BOP1: variants seen among roughly 807,000 people sequenced by gnomAD.
The protein encoded by BOP1 is BOP1 ribosomal biogenesis factor, also known as ribosome biogenesis protein BOP1.
A neutral mutation model predicts 82.9 loss-of-function variants in BOP1; 54 were observed. The observed-to-expected ratio is 0.65, with a 90% confidence interval of 0.52 to 0.82. BOP1 has a LOEUF of 0.82. BOP1 is among the 40% of genes least tolerant of loss of function. BOP1 has a pLI of 0.00. For synonymous variants in BOP1, 566 were observed against 451.1 expected (o/e 1.25, Z -3.23); for missense variants, 1,170 against 1,072.0 (o/e 1.09, Z -1.28).
intron 3 of BOP1, 153 bp from the exon 4 acceptor site, chr8:144,265,224 C>CA: frequency 1.1e-6 from 1 of 883,820 alleles, no homozygotes; most frequent in South Asian, 1.7e-5. Context: ...GCCTGTTCCC[C>CA]AGCCCTGGGG....
In BOP1 at chr8:144,264,696, C is replaced by T. The variant is rs1845316285; in HGVS notation, c.663+18G>A. The T allele has an allele frequency of 6.4e-6, 10 of 1,565,594 alleles. No individual in the cohort carries two copies. Among genetic ancestry groups the T allele is most frequent in the Admixed American group, 5.7e-5 (3 of 52,636 alleles). Reference sequence around the variant, plus strand: ...CTCCAGGACCCCCGCCGCCCAGGGGCCAGCCCCTGCCACCTACCTCATAGG... The same window carrying T: ...CTCCAGGACCCCCGCCGCCCAGGGGTCAGCCCCTGCCACCTACCTCATAGG... On this transcript the variant is annotated intron_variant, in intron 5 of 15. Transcript: ENST00000569669.
Position 144,262,966 on chromosome 8 carries a change from A to G in BOP1, c.1781T>C (p.Leu594Pro). The G allele has an allele frequency of 6.5e-7, 1 of 1,549,842 alleles. No individual in the cohort carries two copies. Among genetic ancestry groups the G allele is most frequent in the Non-Finnish European group, 8.7e-7 (1 of 1,154,530 alleles). Reference protein sequence around the residue: ...RVAFHPARPFLLVASQRSVRL... With the variant: ...RVAFHPARPFPLVASQRSVRL... The stretch of plus-strand genomic sequence containing the variant: ...GACGCTGCGCTGGGACGCCACCAAC[A>G]GGAAGGGCCGGGCAGGGTGGAAGGC... Residue 594 changes from leucine to proline, a missense_variant, in exon 13 of 16, where the codon CTG (leucine) becomes CCG (proline). Coordinates refer to ENST00000569669, the MANE Select transcript of BOP1 (RefSeq NM_015201.5).
chr8:144,267,171 G>A lies in BOP1; in HGVS notation c.391-2100C>T. ...TCTGCACCTTCTGCCTCAGCAACCA[G>A]AGAAAGTTGGTGAGCACGGGCCGTG... On this transcript the variant is annotated intron_variant, in intron 3 of 15. Transcript: ENST00000569669. 9.8e-6 allele frequency: 15 copies of A among 1,528,996 alleles called. No homozygotes were observed. In the South Asian group the frequency reaches 1.4e-4, roughly 15 times the overall value. The allele number at this position is 1,528,996 out of a possible 1,614,324, so 94.7% of individuals were successfully genotyped here. A position where few individuals can be genotyped will look rare whatever the true frequency, so the allele number is the denominator to read the frequency against.
At chr8:144,266,451 C>A in intron 3 of BOP1, 2 of 962,928 alleles carry the variant, frequency 2.1e-6, no homozygotes, top group Non-Finnish European at 2.5e-6. Flanking sequence ...GGGCCCCGCT[C>A]CGGCCCGGGA....
In BOP1 at chr8:144,289,121, TA is replaced by T. The variant is rs1554839797; in HGVS notation, c.282del (p.Lys96ArgfsTer94). On this transcript the variant is annotated frameshift_variant, in exon 2 of 16. Transcript: ENST00000569669. LOFTEE classifies it high-confidence loss of function. ...TGCACCTGCTCCTCAGTGGTCTTTT[TA>T]ATCCCACTGTGGCCCTCGTCATCAA... ...GALDDEGHSG[I>X]KKTTEEQVQA... is the part of the protein sequence containing the mutation. 1.2e-6 allele frequency: 2 copies of T among 1,614,190 alleles called. No individual in the cohort carries two copies. Among genetic ancestry groups the T allele is most frequent in the Admixed American group, 1.7e-5 (1 of 60,036 alleles).
chr8:144,276,134 C>G, intron 3 of BOP1, 90 bp downstream of exon 3: 1 of 1,502,360 alleles, frequency 6.7e-7, no homozygotes, highest in Non-Finnish European at 9.2e-7. Flanking sequence ...CCAGCACCCC[C>G]AGGGCAACCC....
At chr8:144,263,658 C>T in intron 10 of BOP1, 34 bp downstream of exon 10, 1 of 1,600,224 alleles carries the variant, frequency 6.2e-7, no homozygotes. Flanking sequence ...CCCACCTGCC[C>T]CCCAGCTCAA....
chr8:144,291,217 G>T lies in BOP1; in HGVS notation c.99+55C>A, dbSNP rs922874098. The T allele has an allele frequency of 8.2e-6, 11 of 1,349,396 alleles. No homozygotes were observed. Among genetic ancestry groups the T allele is most frequent in the Non-Finnish European group, 8.6e-6 (9 of 1,052,514 alleles). 83.6% of individuals were successfully genotyped at this position (1,349,396 alleles called of 1,614,324 possible). Reference sequence around the variant, plus strand: ...GGCCCACCCGCCCCAGCGCGGCCACGTGCCCGCCGGGCCCTCTAGGGACGC... The same window carrying T: ...GGCCCACCCGCCCCAGCGCGGCCACTTGCCCGCCGGGCCCTCTAGGGACGC... On this transcript the variant is annotated intron_variant, in intron 1 of 15. Coordinates refer to ENST00000569669, the MANE Select transcript of BOP1 (RefSeq NM_015201.5). The surrounding 1 kb of genome is among the most constrained non-coding windows in gnomAD (Gnocchi z 4.1).
rs951083190 is a variant in BOP1, at chr8:144,268,015, C to A, written c.391-2944G>T. The A allele has an allele frequency of 1.9e-3, 2,858 of 1,544,038 alleles. 4 individuals are homozygous for A. Among genetic ancestry groups the A allele is most frequent in the Non-Finnish European group, 2.3e-3 (2,599 of 1,142,818 alleles). On this transcript the variant is annotated intron_variant, in intron 3 of 15. Coordinates refer to ENST00000569669, the MANE Select transcript of BOP1 (RefSeq NM_015201.5). Reference sequence around the variant, plus strand: ...GAAGGAGGTGCCTTGGCGCTGGCCACCTGAGATGGCACCCAGCAGGGAGGC... The same window carrying A: ...GAAGGAGGTGCCTTGGCGCTGGCCAACTGAGATGGCACCCAGCAGGGAGGC...
In BOP1 at chr8:144,262,594, A is replaced by G. The variant is rs1024123821; in HGVS notation, c.1973T>C (p.Met658Thr). 7.8e-5 allele frequency: 126 copies of G among 1,613,294 alleles called. No homozygotes were observed. The highest frequency in any genetic ancestry group is 1.0e-4 in the Non-Finnish European group (119 of 1,179,780). ...CACCCCCAGCTTTCCTCACCTCAGC[A>G]TCCTGTATGGCTTGGTGGAAAGATC... ...DLDLSTKPYR[M>T]LRHHKKALRA... is the part of the protein sequence containing the mutation. The change falls in exon 14 of 16, where the codon ATG (methionine) becomes ACG (threonine). Residue 658 changes from methionine to threonine, a missense_variant. Coordinates refer to ENST00000569669, the MANE Select transcript of BOP1 (RefSeq NM_015201.5).
chr8:144,269,992 C>T (rs1250000399), intron 3 of BOP1, among the ~76,000 whole-genome samples: 7 of 152,186 alleles, frequency 4.6e-5, no homozygotes, highest in Admixed American at 3.9e-4. Flanking sequence ...CCATAGCCCA[C>T]CTACCCCTCA....
In BOP1 at chr8:144,263,766, G is replaced by A. The variant is rs2130196827; in HGVS notation, c.1222-5C>T. On this transcript the variant is annotated splice_polypyrimidine_tract_variant and splice_region_variant and intron_variant, in intron 9 of 15. Transcript: ENST00000569669. Reference sequence around the variant, plus strand: ...GTCACTGTGGCCCCTGTAGACCTGAGGAGGCGGCGGCAGTGAGGAGTCAGA... The same window carrying A: ...GTCACTGTGGCCCCTGTAGACCTGAAGAGGCGGCGGCAGTGAGGAGTCAGA... The A allele has an allele frequency of 1.3e-6, 2 of 1,586,826 alleles. No homozygotes were observed. The highest frequency in any genetic ancestry group is 4.5e-5 in the East Asian group (2 of 43,980).
rs2130248278 is a variant in BOP1 at position 144,279,726 on chromosome 8, G to C, written c.310-3422C>G. On this transcript the variant is annotated intron_variant, in intron 2 of 15. Coordinates refer to ENST00000569669, the MANE Select transcript of BOP1 (RefSeq NM_015201.5). ...GCTTGTGGCTGCTTTACCCACCCAA[G>C]GGAGGCAGCCCACACTGACACCACA... Among the ~76,000 whole-genome samples, 3 of 152,308 alleles carry C rather than the reference G, an allele frequency of 2.0e-5. No homozygotes were observed. The Middle Eastern group carries it at 0.01, about 518-fold the overall frequency.
chr8:144,273,178 C>G (rs887728422), intron 3 of BOP1, among the ~76,000 whole-genome samples: 5 of 152,186 alleles, frequency 3.3e-5, no homozygotes, highest in African/African-American at 1.2e-4. Flanking sequence ...GCGGGGGCGG[C>G]CCGGAGGAGC....
chr8:144,273,083 G>GGCCGTTCGCTCGCCGGGAAACCTGA (rs1845516959), intron 3 of BOP1, among the ~76,000 whole-genome samples: 1 of 152,094 alleles, frequency 6.6e-6, no homozygotes, highest in Admixed American at 6.5e-5. Flanking sequence ...GCGTGGGGAG[G>GGCCGTTCGCTCGCCGGGAAACCTGA]GCCGTTCGCT....
At position 144,263,498 on chromosome 8, in the gene BOP1, G is replaced by A; in HGVS notation, c.1404C>T (p.Val468=). The change falls in exon 11 of 16, where the codon GTC becomes GTT. Residue 468 remains valine (V), a synonymous_variant. Coordinates refer to ENST00000569669, the MANE Select transcript of BOP1 (RefSeq NM_015201.5). ...CTTACACGGCTGCAGCCACCAGGCA[G>A]ACAGCGGGGCTGGGGTTCCAGGCCA... is the stretch of plus-strand genomic sequence containing the variant. ...KSVAWNPSPA[V]CLVAAAVEDS... 6.3e-7 allele frequency: 1 copy of A among 1,598,788 alleles called. No homozygotes were observed. The highest frequency in any genetic ancestry group is 8.5e-7 in the Non-Finnish European group (1 of 1,179,700).
chr8:144,283,562 C>T (rs1814776781), intron 2 of BOP1, among the ~76,000 whole-genome samples: 1 of 152,230 alleles, frequency 6.6e-6, no homozygotes, highest in South Asian at 2.1e-4. Context: ...ATCCACCTGC[C>T]TTGGCCTCCC....
intron 2 of BOP1, among the ~76,000 whole-genome samples, chr8:144,277,883 G>C (rs1218790538): frequency 3.5e-5 from 3 of 85,830 alleles, no homozygotes; most frequent in Non-Finnish European, 6.0e-5. Flanking sequence ...TTTGGAGGCA[G>C]ATGCTGTGGG....
rs1845292575 is a variant in BOP1 at position 144,263,769 on chromosome 8, G to GGCA, written c.1222-9_1222-8insTGC. On this transcript the variant is annotated splice_polypyrimidine_tract_variant and intron_variant, in intron 9 of 15. Transcript: ENST00000569669. ...ACTGTGGCCCCTGTAGACCTGAGGA[G>GGCA]GCGGCGGCAGTGAGGAGTCAGACTG... 6.4e-7 allele frequency: 1 copy of GGCA among 1,555,310 alleles called. No individual in the cohort carries two copies. Among genetic ancestry groups the GGCA allele is most frequent in the Non-Finnish European group, 8.6e-7 (1 of 1,157,440 alleles).
Sources: allele counts gnomAD v4.1 joint callset (sites outside exome capture counted in the v4.1 genomes callset), GRCh38; gene constraint gnomAD v4.1.1; non-coding constraint Gnocchi (gnomAD v3.1); transcripts MANE v1.5; gene names NCBI Gene and HGNC (gene_info 2026-07-23, HGNC 2026-07-21).